The following EVI5 variants were observed in gnomAD, a reference collection of about 807,000 sequenced individuals.
The protein encoded by EVI5 is ecotropic viral integration site 5 protein homolog.
EVI5 carries 73 observed loss-of-function variants against 112.0 expected under a neutral mutation model. The ratio of observed to expected loss-of-function variants is 0.65; its 90% CI spans 0.54 to 0.79. The LOEUF (loss-of-function observed/expected upper bound fraction) is 0.79. EVI5 is among the 30% of genes least tolerant of loss of function. EVI5 has a pLI of 0.00. For missense variants in EVI5, 900 were observed against 968.8 expected, an observed-to-expected ratio of 0.93 and a Z score of 0.94; for synonymous variants, 305 against 319.9, an observed-to-expected ratio of 0.95 and a Z score of 0.50.
At chr1:92,773,183 G>T (rs1044546315) in intron 1 of EVI5, among the ~76,000 whole-genome samples, 1 of 125,050 alleles carries the variant, frequency 8.0e-6, no homozygotes, top group African/African-American at 3.1e-5. Flanking sequence ...TCCAGCCTGA[G>T]CAACAGGCTG....
chr1:92,714,104 C>A, intron 2 of EVI5: 1 of 978,376 alleles, frequency 1.0e-6, no homozygotes. Flanking sequence ...AACTTTAAAG[C>A]TATCAATTAT....
At chr1:92,588,811 T>G (rs1464077424) in intron 18 of EVI5, among the ~76,000 whole-genome samples, 2 of 152,236 alleles carry the variant, frequency 1.3e-5, no homozygotes, top group African/African-American at 2.4e-5. Context: ...GTTTTAAAAT[T>G]AGAATAACAT....
intron 9 of EVI5, among the ~76,000 whole-genome samples, chr1:92,677,865 A>C (rs535287472): frequency 1.3e-4 from 20 of 152,290 alleles, no homozygotes; most frequent in Non-Finnish European, 2.5e-4. Flanking sequence ...ACCTGAACTA[A>C]CTGATTAAGG....
chr1:92,704,792 T>C (rs1408117231), intron 2 of EVI5, 48 bp from the exon 3 acceptor site: 1 of 860,620 alleles, frequency 1.2e-6, no homozygotes, highest in East Asian at 2.7e-5. Context: ...ACAGTGATAT[T>C]AGAAGAGGCA....
chr1:92,717,906 T>C (rs1291415535), intron 2 of EVI5, among the ~76,000 whole-genome samples: 18 of 150,902 alleles, frequency 1.2e-4, no homozygotes, highest in Admixed American at 9.2e-4. Flanking sequence ...TCCTAGTCTC[T>C]GATAAAACAA....
At chr1:92,687,974 G>A (rs1026281409) in intron 9 of EVI5, among the ~76,000 whole-genome samples, 1 of 152,154 alleles carries the variant, frequency 6.6e-6, no homozygotes, top group Non-Finnish European at 1.5e-5. Context: ...AGGCAGTGTG[G>A]CAATTCCTCA....
chr1:92,523,783 A>G (rs1661361727), intron 19 of EVI5, among the ~76,000 whole-genome samples: 1 of 152,084 alleles, frequency 6.6e-6, no homozygotes, highest in Non-Finnish European at 1.5e-5. Flanking sequence ...GTAATTTGGT[A>G]TGTATAATTA....
chr1:92,535,672 C>T (rs1400537290), intron 19 of EVI5, among the ~76,000 whole-genome samples: 2 of 152,068 alleles, frequency 1.3e-5, no homozygotes, highest in Non-Finnish European at 2.9e-5. Flanking sequence ...AAAAACCAAA[C>T]ACTGCATGTT....
At chr1:92,664,641 G>C (rs1041126645) in intron 11 of EVI5, among the ~76,000 whole-genome samples, 4 of 152,170 alleles carry the variant, frequency 2.6e-5, no homozygotes, top group African/African-American at 9.7e-5. Context: ...CTAACATGAT[G>C]AGAGAAAAAC....
At chr1:92,581,627 T>A (rs1301142366) in intron 18 of EVI5, among the ~76,000 whole-genome samples, 1 of 152,234 alleles carries the variant, frequency 6.6e-6, no homozygotes, top group Non-Finnish European at 1.5e-5. Context: ...TAGCTGTCAC[T>A]TTTTAAAGTT....
chr1:92,635,154 C>G (rs922707861), intron 14 of EVI5, among the ~76,000 whole-genome samples: 1 of 152,194 alleles, frequency 6.6e-6, no homozygotes. Context: ...GGCAGTCTGT[C>G]GGTTCTCAGA....
At chr1:92,787,671 G>C (rs958562148), upstream of EVI5, among the ~76,000 whole-genome samples, 8 of 151,834 alleles carry the variant, frequency 5.3e-5, no homozygotes, top group Non-Finnish European at 1.0e-4. Flanking sequence ...GCCTGGAAGG[G>C]TGAGGCCGAA....
chr1:92,509,854 T>C lies in EVI5; in HGVS notation c.*3802A>G, dbSNP rs944333748. On this transcript the variant is annotated 3_prime_UTR_variant, in exon 20 of 20. Coordinates refer to ENST00000684568, the MANE Select transcript of EVI5 (RefSeq NM_001350197.2). ...TATTATGAGTCATTTCATTCACTTT[T>C]CTCCCCTGAATATACTCAACTCTAA... is the stretch of plus-strand genomic sequence containing the variant. The C allele has an allele frequency of 1.3e-5, 2 of 152,146 alleles. No homozygotes were observed. The highest frequency in any genetic ancestry group is 2.9e-5 in the Non-Finnish European group (2 of 68,034). The allele number at this position is 152,146 out of a possible 1,614,324, so 9.4% of individuals were successfully genotyped here. A position where few individuals can be genotyped will look rare whatever the true frequency, so the allele number is the denominator to read the frequency against.
intron 2 of EVI5, among the ~76,000 whole-genome samples, chr1:92,722,510 C>T (rs1034814211): frequency 2.0e-4 from 30 of 147,484 alleles, no homozygotes; most frequent in African/African-American, 7.2e-4. Flanking sequence ...GTTCCCCTTC[C>T]TGTGTCCATG....
chr1:92,606,105 A>C (rs1304404277), intron 17 of EVI5, among the ~76,000 whole-genome samples: 3 of 152,230 alleles, frequency 2.0e-5, no homozygotes, highest in Non-Finnish European at 2.9e-5. Flanking sequence ...CAGAGTTTGC[A>C]TCTGTAACAT....
rs187926313 is a variant in EVI5, at chr1:92,576,872, T to C, written c.2071-13135A>G. Among the ~76,000 whole-genome samples the C allele has an allele frequency of 7.2e-5, 11 of 152,354 alleles. No homozygotes were observed. In the East Asian group the frequency reaches 1.9e-3, roughly 27 times the overall value. On this transcript the variant is annotated intron_variant, in intron 18 of 19. Coordinates refer to ENST00000684568, the MANE Select transcript of EVI5 (RefSeq NM_001350197.2). ...TTCATTGTCATCTTTGGTAGTTCAA[T>C]GATAACCACTGGAATATTCACTGGA... is the stretch of plus-strand genomic sequence containing the variant.
intron 2 of EVI5, among the ~76,000 whole-genome samples, chr1:92,721,101 T>C (rs1443567037): frequency 1.3e-5 from 2 of 152,208 alleles, no homozygotes; most frequent in African/African-American, 4.8e-5. Flanking sequence ...AGTTCAACCA[T>C]TGTGGAAGAC....
At chr1:92,785,477 A>G (rs571076533), upstream of EVI5, among the ~76,000 whole-genome samples, 8 of 152,322 alleles carry the variant, frequency 5.3e-5, no homozygotes, top group African/African-American at 1.2e-4. Context: ...CATGCTTCGG[A>G]AGGCAGCCCC....
At chr1:92,631,863 C>G (rs1450707584) in intron 14 of EVI5, among the ~76,000 whole-genome samples, 4 of 152,072 alleles carry the variant, frequency 2.6e-5, no homozygotes, top group Non-Finnish European at 5.9e-5. Context: ...CCATTGATAC[C>G]TAATTTATTG....
Sources: gnomAD v4.1 joint callset for allele counts (sites outside exome capture counted in the v4.1 genomes callset) on GRCh38, gnomAD v4.1.1 for gene constraint, MANE v1.5 for transcripts, NCBI Gene and HGNC (gene_info 2026-07-23, HGNC 2026-07-21) for gene names.